Variants in BIRC6 observed in about 807,000 individuals in gnomAD.
The protein encoded by BIRC6 is dual E2 ubiquitin-conjugating enzyme/E3 ubiquitin-protein ligase BIRC6.
A neutral mutation model predicts 503.3 loss-of-function variants in BIRC6; 98 were observed. The observed-to-expected ratio is 0.19, with a 90% confidence interval of 0.17 to 0.23. The LOEUF is 0.23. Among genes scored for constraint, BIRC6 ranks in the 10% least tolerant of loss-of-function variants. BIRC6 has a pLI of 1.00. For synonymous variants in BIRC6, 2,240 were observed against 2,078.7 expected (o/e 1.08, Z -2.11); for missense variants, 5,360 against 5,806.0 (o/e 0.92, Z 2.50).
At chr2:32,608,640 C>T (rs2062638246) in intron 72 of BIRC6, among the ~76,000 whole-genome samples, 1 of 151,882 alleles carries the variant, frequency 6.6e-6, no homozygotes, top group African/African-American at 2.4e-5. Context: ...TGATCTTGAA[C>T]TCCTGACCTC....
chr2:32,394,011 A>C (rs2039567491), intron 5 of BIRC6, among the ~76,000 whole-genome samples: 1 of 151,276 alleles, frequency 6.6e-6, no homozygotes, highest in Non-Finnish European at 1.5e-5. Context: ...TGTTACAGAT[A>C]GGTAAGTTTG....
intron 65 of BIRC6, among the ~76,000 whole-genome samples, chr2:32,554,604 T>G (rs1375777445): frequency 6.6e-6 from 1 of 152,176 alleles, no homozygotes; most frequent in Non-Finnish European, 1.5e-5. Flanking sequence ...TTAAATGATG[T>G]TATATACTAG....
intron 73 of BIRC6, among the ~76,000 whole-genome samples, chr2:32,615,656 T>C (rs2063179132): frequency 6.6e-6 from 1 of 152,026 alleles, no homozygotes; most frequent in Non-Finnish European, 1.5e-5. Context: ...ATTTTTGAGA[T>C]GGAGTCTCGC....
intron 15 of BIRC6, among the ~76,000 whole-genome samples, chr2:32,439,021 G>A (rs939354275): frequency 6.6e-6 from 1 of 152,146 alleles, no homozygotes; most frequent in Non-Finnish European, 1.5e-5. Flanking sequence ...AACCCAGGTA[G>A]TGACTCCAAA....
intron 9 of BIRC6, among the ~76,000 whole-genome samples, chr2:32,408,492 G>A (rs753805722): frequency 2.6e-5 from 4 of 152,138 alleles, no homozygotes; most frequent in Non-Finnish European, 1.5e-5. Flanking sequence ...CCTTTGTAAA[G>A]TGTTTGCTAT....
At chr2:32,597,653 C>T (rs940956411) in intron 68 of BIRC6, 98 bp from the exon 69 acceptor site, 8 of 848,698 alleles carry the variant, frequency 9.4e-6, no homozygotes, top group African/African-American at 1.7e-5. Flanking sequence ...TGGAAGTTCT[C>T]TCCAGTTGAG....
At chr2:32,396,430 T>C (rs1050024936) in intron 6 of BIRC6, among the ~76,000 whole-genome samples, 1 of 152,224 alleles carries the variant, frequency 6.6e-6, no homozygotes, top group Non-Finnish European at 1.5e-5. Flanking sequence ...TTAAATCAGC[T>C]GATGTGCATG....
chr2:32,578,977 C>CT (rs1553517165), intron 66 of BIRC6, among the ~76,000 whole-genome samples: 25 of 28,420 alleles, frequency 8.8e-4, no homozygotes, highest in Non-Finnish European at 1.6e-3. Flanking sequence ...TTTTATATAC[C>CT]TAATATATAT....
chr2:32,561,122 C>T (rs1465322768), intron 65 of BIRC6, among the ~76,000 whole-genome samples: 5 of 150,510 alleles, frequency 3.3e-5, no homozygotes, highest in South Asian at 2.1e-4. Flanking sequence ...AACTTGTACC[C>T]GGGAGACAGA....
chr2:32,573,482 C>T, intron 65 of BIRC6, among the ~76,000 whole-genome samples: 1 of 152,162 alleles, frequency 6.6e-6, no homozygotes, highest in Non-Finnish European at 1.5e-5. Flanking sequence ...AGGTGTGAGT[C>T]ACCGCGCCCT....
intron 1 of BIRC6, among the ~76,000 whole-genome samples, chr2:32,369,842 G>C (rs2035522779): frequency 6.8e-6 from 1 of 147,810 alleles, no homozygotes; most frequent in African/African-American, 2.5e-5. Context: ...TGTAGTCCTA[G>C]CTGCTTGGGA....
chr2:32,484,860 T>G (rs1334439065), intron 39 of BIRC6, among the ~76,000 whole-genome samples: 1 of 152,220 alleles, frequency 6.6e-6, no homozygotes, highest in Non-Finnish European at 1.5e-5. Flanking sequence ...CCATTTTTTG[T>G]GTGTGTATAG....
chr2:32,392,792 C>G (rs2039409515), intron 5 of BIRC6, among the ~76,000 whole-genome samples: 1 of 151,508 alleles, frequency 6.6e-6, no homozygotes, highest in Non-Finnish European at 1.5e-5. Context: ...GCCTGGCTAA[C>G]TTTTGCACCA....
At chr2:32,476,064 T>A (rs1283943946) in intron 33 of BIRC6, 149 bp from the exon 34 acceptor site, 6 of 571,170 alleles carry the variant, frequency 1.1e-5, no homozygotes, top group South Asian at 2.9e-5. Context: ...AATGATTTTT[T>A]AAAAAATTAT....
Position 32,518,867 on chromosome 2 carries a change from G to T in BIRC6, c.11544G>T (p.Met3848Ile). ...CTAGCCACGTCATCCAGCATCCAAT[G>T]TATGGAGCAGGCCACAAATTCCGTA... is the stretch of plus-strand genomic sequence containing the variant. ...NATSHVIQHP[M>I]YGAGHKFRTL... The change falls in exon 57 of 74, where the codon ATG (methionine) becomes ATT (isoleucine). Residue 3848 changes from methionine to isoleucine, a missense_variant. Physicochemically the swap from Met to Ile is conservative, Grantham distance 10. This residue lies in a region of BIRC6 where 878 missense variants were observed against 928.9 expected (regional missense o/e 0.95). Coordinates refer to ENST00000421745, the MANE Select transcript of BIRC6 (RefSeq NM_016252.4). 6.2e-7 allele frequency: 1 copy of T among 1,613,698 alleles called. No individual in the cohort carries two copies. The highest frequency in any genetic ancestry group is 8.5e-7 in the Non-Finnish European group (1 of 1,179,664).
At chr2:32,532,134 C>CGTGTGTGTTT (rs2056818960) in intron 61 of BIRC6, 1 of 421,200 alleles carries the variant, frequency 2.4e-6, no homozygotes, top group Admixed American at 2.7e-5. Flanking sequence ...GATTTCATGT[C>CGTGTGTGTTT]GTGTGTGTGT....
chr2:32,487,595 A>G, intron 40 of BIRC6, 52 bp from the exon 41 acceptor site: 2 of 1,528,626 alleles, frequency 1.3e-6, no homozygotes, highest in Non-Finnish European at 1.8e-6. Context: ...TAACCAGTTA[A>G]CACATATCCT....
In BIRC6 at chr2:32,415,662, G is replaced by A. The variant is rs2042309060; in HGVS notation, c.2371G>A (p.Val791Met). 7.4e-6 allele frequency: 12 copies of A among 1,613,942 alleles called. No homozygotes were observed. The highest frequency in any genetic ancestry group is 1.0e-5 in the Non-Finnish European group (12 of 1,179,892). Residue 791 changes from valine to methionine, a missense_variant, in exon 10 of 74, where the codon GTG (valine) becomes ATG (methionine). By Grantham distance (21) the Val-to-Met change is conservative. This residue lies in a region of BIRC6 where 700 missense variants were observed against 739.3 expected (regional missense o/e 0.95). Coordinates refer to ENST00000421745, the MANE Select transcript of BIRC6 (RefSeq NM_016252.4). Reference protein sequence around the residue: ...KGELESNLAVVNGANISVIQH... With the variant: ...KGELESNLAVMNGANISVIQH... Reference sequence around the variant, plus strand: ...TGAGCTGGAATCAAATCTTGCTGTAGTGAATGGTGCAAATATTAGTGTAAT... The same window carrying A: ...TGAGCTGGAATCAAATCTTGCTGTAATGAATGGTGCAAATATTAGTGTAAT...
At position 32,458,871 on chromosome 2, in the gene BIRC6, G is replaced by A. The variant is rs1375938139; in HGVS notation, c.4754-4323G>A. ...CCATCAGTGAATTTTTTTATGTTTA[G>A]CATAAATGAGGTTTTGCCATGTTGG... On this transcript the variant is annotated intron_variant, in intron 23 of 73. Coordinates refer to ENST00000421745, the MANE Select transcript of BIRC6 (RefSeq NM_016252.4). Among the ~76,000 whole-genome samples, 3 of 151,410 alleles carry A rather than the reference G, an allele frequency of 2.0e-5. No individual in the cohort carries two copies. In the East Asian group the frequency reaches 5.8e-4, roughly 29 times the overall value.
Sources: allele counts gnomAD v4.1 joint callset (sites outside exome capture counted in the v4.1 genomes callset), GRCh38; gene constraint gnomAD v4.1.1; regional missense constraint gnomAD v4.1.1; transcripts MANE v1.5; gene names NCBI Gene and HGNC (gene_info 2026-07-23, HGNC 2026-07-21).